The following GLI2 variants were observed in gnomAD, a reference collection of about 807,000 sequenced individuals.
The protein encoded by GLI2 is transcription activator GLI2.
Under a neutral mutation model 78.9 loss-of-function variants are expected in GLI2, and 22 were observed. The observed-to-expected ratio is 0.28, with a 90% confidence interval of 0.20 to 0.40. The LOEUF (loss-of-function observed/expected upper bound fraction) is 0.40, where lower values mean the gene tolerates loss of function less well. Among genes scored for constraint, GLI2 ranks in the 10% least tolerant of loss-of-function variants. The pLI, the probability that GLI2 is intolerant of heterozygous loss-of-function variation, is 1.00. For synonymous variants in GLI2, 974 were observed against 963.7 expected (o/e 1.01, Z -0.20); for missense variants, 2,097 against 2,213.2 (o/e 0.95, Z 1.05).
rs1558901333 is a variant in GLI2, at chr2:120,942,897, CGTT to C, written c.255-8345_255-8343del. 2.1e-3 allele frequency among the ~76,000 whole-genome samples: 314 copies of C among 151,398 alleles called. 1 individual carries two copies. The highest frequency in any genetic ancestry group is 7.4e-3 in the African/African-American group (302 of 40,860). ...TCATTCATTCATTCATTCACTCATTCGTTCACACCCTCACTCACTCATTCATTC... is the reference window on the plus strand; with the variant it reads ...TCATTCATTCATTCATTCACTCATTCCACACCCTCACTCACTCATTCATTC... On this transcript the variant is annotated intron_variant, in intron 3 of 13. Transcript: ENST00000361492.
intron 2 of GLI2, among the ~76,000 whole-genome samples, chr2:120,871,439 C>T (rs548739810): frequency 6.6e-6 from 1 of 152,232 alleles, no homozygotes; most frequent in Non-Finnish European, 1.5e-5. Flanking sequence ...CACGCCCAGG[C>T]GTCACCCATG....
chr2:120,821,990 C>G (rs1685799822), intron 2 of GLI2, among the ~76,000 whole-genome samples: 1 of 152,224 alleles, frequency 6.6e-6, no homozygotes, highest in South Asian at 2.1e-4. Flanking sequence ...GGCTGCTTGT[C>G]AACTGGCCTT....
intron 3 of GLI2, among the ~76,000 whole-genome samples, chr2:120,950,534 C>G (rs1680926738): frequency 6.6e-6 from 1 of 152,164 alleles, no homozygotes; most frequent in African/African-American, 2.4e-5. Flanking sequence ...GCCATGCCAG[C>G]CCAAGCCAGC....
At chr2:120,826,217 G>A (rs1444685466) in intron 2 of GLI2, among the ~76,000 whole-genome samples, 1 of 152,198 alleles carries the variant, frequency 6.6e-6, no homozygotes, top group African/African-American at 2.4e-5. Flanking sequence ...GAGGGGAGAA[G>A]CTGAGACAGA....
chr2:120,935,950 G>A (rs73949985), intron 3 of GLI2, among the ~76,000 whole-genome samples: 3 of 152,294 alleles, frequency 2.0e-5, no homozygotes, highest in African/African-American at 4.8e-5. Flanking sequence ...GTGGTCAGCC[G>A]AGAGCAGGAG....
chr2:120,929,042 C>G (rs1679825164), intron 3 of GLI2, among the ~76,000 whole-genome samples: 2 of 152,160 alleles, frequency 1.3e-5, no homozygotes, highest in Non-Finnish European at 2.9e-5. Context: ...GTTCCTTAGT[C>G]TCTTTTGTCT....
chr2:120,742,957 C>T (rs1308816648), intron 1 of GLI2, among the ~76,000 whole-genome samples: 1 of 152,194 alleles, frequency 6.6e-6, no homozygotes, highest in Non-Finnish European at 1.5e-5. Context: ...TTTTAAACCT[C>T]AGATGGGGAG....
At chr2:120,897,714 G>A (rs1678048600) in intron 2 of GLI2, among the ~76,000 whole-genome samples, 1 of 152,144 alleles carries the variant, frequency 6.6e-6, no homozygotes, top group African/African-American at 2.4e-5. Flanking sequence ...CCGTTAACAT[G>A]TCTGATCTCA....
intron 3 of GLI2, among the ~76,000 whole-genome samples, chr2:120,944,707 C>T (rs1399738732): frequency 6.6e-6 from 1 of 152,256 alleles, no homozygotes; most frequent in Non-Finnish European, 1.5e-5. Flanking sequence ...TGGCCTTCTA[C>T]TCCCACTCGG....
At chr2:120,806,774 G>T (rs1007798865) in intron 2 of GLI2, among the ~76,000 whole-genome samples, 2 of 152,180 alleles carry the variant, frequency 1.3e-5, no homozygotes, top group African/African-American at 4.8e-5. Flanking sequence ...GACATTGAGG[G>T]GTAAGGAGGG....
intron 8 of GLI2, chr2:120,972,710 A>C (rs924809504): frequency 9.6e-6 from 5 of 518,272 alleles, no homozygotes; most frequent in African/African-American, 9.6e-5. Context: ...CCAATGATTC[A>C]ATGCACATTT....
chr2:120,880,810 G>T (rs1341586637), intron 2 of GLI2, among the ~76,000 whole-genome samples: 3 of 152,184 alleles, frequency 2.0e-5, no homozygotes, highest in Non-Finnish European at 4.4e-5. Flanking sequence ...GTTGGTATGT[G>T]AGGTGAAAAT....
chr2:120,920,812 C>G (rs978580119), intron 2 of GLI2, among the ~76,000 whole-genome samples: 5 of 150,220 alleles, frequency 3.3e-5, no homozygotes, highest in Middle Eastern at 3.4e-3. Context: ...TTTGAAATGG[C>G]ATACGGGGTG....
At chr2:120,910,515 G>T (rs565954679) in intron 2 of GLI2, among the ~76,000 whole-genome samples, 1 of 152,178 alleles carries the variant, frequency 6.6e-6, no homozygotes, top group Non-Finnish European at 1.5e-5. Flanking sequence ...ATTAATCAGC[G>T]CAGAACCAAG....
intron 2 of GLI2, among the ~76,000 whole-genome samples, chr2:120,880,715 G>C (rs1013794210): frequency 6.6e-6 from 1 of 152,206 alleles, no homozygotes; most frequent in African/African-American, 2.4e-5. Flanking sequence ...CTGCGTATGA[G>C]AGAGATTATA....
Position 120,990,386 on chromosome 2 carries a change from C to G in GLI2, c.4421C>G (p.Pro1474Arg), listed in dbSNP as rs1304191660. The G allele has an allele frequency of 6.2e-7, 1 of 1,614,144 alleles. No individual in the cohort carries two copies. Among genetic ancestry groups the G allele is most frequent in the East Asian group, 2.2e-5 (1 of 44,884 alleles). The change falls in exon 14 of 14, where the codon CCA (proline) becomes CGA (arginine). Residue 1474 changes from proline to arginine, a missense_variant. Physicochemically the swap from Pro to Arg is moderately radical, Grantham distance 103. Coordinates refer to ENST00000361492, the MANE Select transcript of GLI2 (RefSeq NM_001374353.1). ...DSIQPQPLPS[P>R]GVNQVSSTVD... Reference sequence around the variant, plus strand: ...ATCCAGCCCCAGCCCTTGCCCTCACCAGGGGTCAACCAGGTGTCCAGCACT... The same window carrying G: ...ATCCAGCCCCAGCCCTTGCCCTCACGAGGGGTCAACCAGGTGTCCAGCACT...
At chr2:120,936,324 CCCCTGCTCTCATCACTG>C (rs144166889) in intron 3 of GLI2, among the ~76,000 whole-genome samples, 6,921 of 152,130 alleles carry the variant, frequency 0.045, 514 homozygotes, top group African/African-American at 0.16. Flanking sequence ...GGCGGAGAGA[CCCCTGCTCTCATCACTG>C]CCCTGCTAAC....
intron 2 of GLI2, among the ~76,000 whole-genome samples, chr2:120,910,549 T>A (rs1432086563): frequency 1.3e-5 from 2 of 152,208 alleles, no homozygotes; most frequent in East Asian, 3.9e-4. Context: ...TGAACTGCAA[T>A]CACTCTTGGG....
chr2:120,763,393 G>T (rs1056886736), intron 1 of GLI2, among the ~76,000 whole-genome samples: 1 of 152,236 alleles, frequency 6.6e-6, no homozygotes, highest in Admixed American at 6.5e-5. Flanking sequence ...GGACTTGAAG[G>T]CCTCCACAGT....
Sources: allele counts gnomAD v4.1 joint callset (sites outside exome capture counted in the v4.1 genomes callset), GRCh38; gene constraint gnomAD v4.1.1; transcripts MANE v1.5; gene names NCBI Gene and HGNC (gene_info 2026-07-23, HGNC 2026-07-21).